PPM1B: variants seen among roughly 807,000 people sequenced by gnomAD.
PPM1B encodes the protein protein phosphatase, Mg2+/Mn2+ dependent 1B, also known as protein phosphatase 1B.
In PPM1B, 22 loss-of-function variants were observed where a neutral mutation model predicts 43.0. The observed-to-expected ratio is 0.51, with a 90% CI of 0.37 to 0.73. The LOEUF is 0.73. Ranked by LOEUF, PPM1B falls within the 30% of genes least tolerant of loss-of-function variation. The pLI is 0.00. For missense variants in PPM1B, 632 were observed against 584.2 expected, an observed-to-expected ratio of 1.08 and a Z score of -0.84; for synonymous variants, 217 against 197.9, an observed-to-expected ratio of 1.10 and a Z score of -0.81.
intron 1 of PPM1B, among the ~76,000 whole-genome samples, chr2:44,195,207 T>TTC (rs1668604435): frequency 6.8e-6 from 1 of 147,336 alleles, no homozygotes; most frequent in South Asian, 2.1e-4. Flanking sequence ...CTTTCTTTCT[T>TTC]TTTTTTTTTT....
downstream of PPM1B, among the ~76,000 whole-genome samples, chr2:44,236,269 GCTGCGTGC>G (rs1670607429): frequency 6.6e-6 from 1 of 151,746 alleles, no homozygotes; most frequent in Admixed American, 6.6e-5. Context: ...TTGGTGTGGT[GCTGCGTGC>G]CTGTAGTCCT....
intron 1 of PPM1B, among the ~76,000 whole-genome samples, chr2:44,184,573 T>C (rs1312535567): frequency 2.6e-5 from 4 of 152,174 alleles, no homozygotes; most frequent in African/African-American, 9.7e-5. Context: ...TCCTGAATGC[T>C]TTATTTCTAG....
chr2:44,231,488 T>C, downstream of PPM1B: 1 of 957,950 alleles, frequency 1.0e-6, no homozygotes, highest in Non-Finnish European at 1.2e-6. Context: ...GTTGTACTTA[T>C]TTTTGAATTA....
chr2:44,223,891 G>C (rs922083373), intron 5 of PPM1B, among the ~76,000 whole-genome samples: 8 of 148,198 alleles, frequency 5.4e-5, no homozygotes, highest in African/African-American at 2.0e-4. Context: ...ATGTTTTTAA[G>C]GTATGATTGA....
chr2:44,231,058 G>A lies in PPM1B; in HGVS notation c.*340G>A, dbSNP rs1670450495. The A allele has an allele frequency of 1.1e-6, 1 of 913,854 alleles. No individual in the cohort carries two copies. Among genetic ancestry groups the A allele is most frequent in the Admixed American group, 5.6e-5 (1 of 17,788 alleles). 56.6% of individuals were successfully genotyped at this position (913,854 alleles called of 1,614,324 possible). On this transcript the variant is annotated 3_prime_UTR_variant, in exon 6 of 6. Coordinates refer to ENST00000282412, the MANE Select transcript of PPM1B (RefSeq NM_002706.6). ...ATTATGCTATATTATGGAAAAACTT[G>A]TTAATGTAGAATTATACTGCTTCAT...
At chr2:44,228,187 CTTTT>C (rs372577752) in intron 5 of PPM1B, among the ~76,000 whole-genome samples, 1 of 115,176 alleles carries the variant, frequency 8.7e-6, no homozygotes, top group African/African-American at 3.3e-5. Flanking sequence ...CTAACAAGCC[CTTTT>C]TTTTTTTTTT....
chr2:44,234,056 A>G (rs1307425729), downstream of PPM1B: 1 of 971,108 alleles, frequency 1.0e-6, no homozygotes, highest in African/African-American at 1.8e-5. Flanking sequence ...GAATTGATAA[A>G]AACAGTGTGA....
intron 1 of PPM1B, among the ~76,000 whole-genome samples, chr2:44,194,511 CAGG>C (rs1249272370): frequency 1.3e-5 from 2 of 152,036 alleles, no homozygotes; most frequent in African/African-American, 4.8e-5. Flanking sequence ...ATCACGATGT[CAGG>C]AGATCGAGAC....
In PPM1B at chr2:44,217,979, A is replaced by G; in HGVS notation, c.977A>G (p.Lys326Arg). 6.2e-7 allele frequency: 1 copy of G among 1,602,068 alleles called. No homozygotes were observed. Among genetic ancestry groups the G allele is most frequent in the Non-Finnish European group, 8.5e-7 (1 of 1,175,808 alleles). Residue 326 changes from lysine to arginine, a missense_variant, in exon 4 of 6, where the codon AAG becomes AGG. Coordinates refer to ENST00000282412, the MANE Select transcript of PPM1B (RefSeq NM_002706.6). ...AAAAAACCTACAGAGATTATGGAGA[A>G]GTCTGGCGAGGAAGGAATGCCTGAT... Reference protein sequence around the residue: ...LESRVEEIMEKSGEEGMPDLA... With the variant: ...LESRVEEIMERSGEEGMPDLA...
intron 2 of PPM1B, among the ~76,000 whole-genome samples, chr2:44,204,684 C>T (rs1261134030): frequency 6.6e-6 from 1 of 151,616 alleles, no homozygotes; most frequent in Non-Finnish European, 1.5e-5. Context: ...CAGTGAAACC[C>T]CGTCTCTATT....
intron 1 of PPM1B, among the ~76,000 whole-genome samples, chr2:44,197,225 A>C (rs1668705296): frequency 6.6e-6 from 1 of 151,622 alleles, no homozygotes; most frequent in Non-Finnish European, 1.5e-5. Context: ...GGCTCAGGAG[A>C]TCTCCCACCC....
chr2:44,246,323 C>A (rs368826145), downstream of PPM1B, among the ~76,000 whole-genome samples: 1 of 152,266 alleles, frequency 6.6e-6, no homozygotes, highest in East Asian at 1.9e-4. Context: ...TTTTGGTTAA[C>A]CTATTTTGCA....
intron 1 of PPM1B, among the ~76,000 whole-genome samples, chr2:44,197,845 G>A (rs983284092): frequency 3.3e-5 from 5 of 152,150 alleles, no homozygotes; most frequent in Admixed American, 2.6e-4. Flanking sequence ...GTGTATATCA[G>A]TATCTTAGTG....
At chr2:44,202,095 A>G (rs1668966622) in intron 2 of PPM1B, 50 bp downstream of exon 2, 3 of 1,455,352 alleles carry the variant, frequency 2.1e-6, no homozygotes, top group Middle Eastern at 1.9e-4. Context: ...TTGAAAAGTT[A>G]CGGTAGGTAA....
At chr2:44,174,900 AT>A (rs1667509386) in intron 1 of PPM1B, among the ~76,000 whole-genome samples, 1 of 152,168 alleles carries the variant, frequency 6.6e-6, no homozygotes, top group African/African-American at 2.4e-5. Flanking sequence ...TAAAGCATTT[AT>A]CTCTGAGGTG....
downstream of PPM1B, chr2:44,233,455 A>C (rs1251572824): frequency 1.0e-6 from 1 of 984,152 alleles, no homozygotes; most frequent in African/African-American, 1.7e-5. Flanking sequence ...GCATGTATTA[A>C]ATTCAATTAA....
At chr2:44,173,910 T>A (rs1016847067) in intron 1 of PPM1B, among the ~76,000 whole-genome samples, 1 of 152,222 alleles carries the variant, frequency 6.6e-6, no homozygotes, top group Non-Finnish European at 1.5e-5. Flanking sequence ...GCCACTGCAC[T>A]CCAGATTGGG....
At chr2:44,232,802 G>A (rs1670505573), downstream of PPM1B, 1 of 983,490 alleles carries the variant, frequency 1.0e-6, no homozygotes, top group African/African-American at 1.7e-5. Context: ...TTGCAGCTCT[G>A]TGGCTTGGAA....
rs1668942679 is a variant in PPM1B at position 44,201,621 on chromosome 2, C to G, written c.422C>G (p.Pro141Arg). 1 of 1,614,132 alleles carries G rather than the reference C, an allele frequency of 6.2e-7. No individual in the cohort carries two copies. The highest frequency in any genetic ancestry group is 8.5e-7 in the Non-Finnish European group (1 of 1,179,998). ...GSTAVGVMIS[P>R]KHIYFINCGD... is the part of the protein sequence containing the mutation. ...ACTGCAGTGGGAGTTATGATTTCACCTAAGCATATCTACTTTATCAACTGT... is the reference window on the plus strand; with the variant it reads ...ACTGCAGTGGGAGTTATGATTTCACGTAAGCATATCTACTTTATCAACTGT... The change falls in exon 2 of 6, where the codon CCT becomes CGT. Residue 141 changes from proline to arginine, a missense_variant. Around this residue, in one of 3 missense-constraint regions of PPM1B, gnomAD observed 200 missense variants for 200.7 expected, o/e 1.00. Coordinates refer to ENST00000282412, the MANE Select transcript of PPM1B (RefSeq NM_002706.6). This position sits in a 1 kb window ranked among gnomAD's most constrained non-coding sequence, Gnocchi z 5.4.
Sources: allele counts gnomAD v4.1 joint callset (sites outside exome capture counted in the v4.1 genomes callset), GRCh38; gene constraint gnomAD v4.1.1; regional missense constraint gnomAD v4.1.1; non-coding constraint Gnocchi (gnomAD v3.1); transcripts MANE v1.5; gene names NCBI Gene and HGNC (gene_info 2026-07-23, HGNC 2026-07-21).